The following SLC5A1 variants were observed in gnomAD, a reference collection of about 807,000 sequenced individuals.
SLC5A1 encodes solute carrier family 5 member 1, also known as sodium/glucose cotransporter 1.
SLC5A1 carries 42 observed loss-of-function variants against 73.5 expected under a neutral mutation model. That is an observed-to-expected ratio of 0.57 (90% confidence interval 0.45 to 0.74). The LOEUF (loss-of-function observed/expected upper bound fraction) is 0.74, where lower values mean the gene tolerates loss of function less well. Among genes scored for constraint, SLC5A1 ranks in the 30% least tolerant of loss-of-function variants. The probability of loss-of-function intolerance (pLI) is 0.00; values close to 1 mark genes in which losing one functional copy is unlikely to be tolerated. For synonymous variants in SLC5A1, 300 were observed against 317.4 expected (o/e 0.95, Z 0.58); for missense variants, 634 against 855.4 (o/e 0.74, Z 3.23).
chr22:32,049,100 A>ATATATATATAATCAT (rs2093941065), intron 1 of SLC5A1, among the ~76,000 whole-genome samples: 1 of 145,508 alleles, frequency 6.9e-6, no homozygotes, highest in Admixed American at 6.9e-5. Context: ...AAATATATAT[A>ATATATATATAATCAT]TATATATATA....
chr22:32,099,105 AATATATAT>A (rs765568860), intron 11 of SLC5A1, 70 bp from the exon 12 acceptor site: 1,548 of 57,582 alleles, frequency 0.027, 70 homozygotes, highest in African/African-American at 0.058. Flanking sequence ...AAAAAAAAAA[AATATATAT>A]ATATATATAT....
chr22:32,078,954 C>CAG lies in SLC5A1; in HGVS notation c.478-2911_478-2910insGA, dbSNP rs1412133108. On this transcript the variant is annotated intron_variant, in intron 5 of 14. Coordinates refer to ENST00000266088, the MANE Select transcript of SLC5A1 (RefSeq NM_000343.4). ...TGGCGAAAGAGCAAGACTCTGTCTC[C>CAG]AAAAAAAAAAAAAAAAAAAAAAAAA... Among the ~76,000 whole-genome samples, 74 of 109,102 alleles carry CAG rather than the reference C, an allele frequency of 6.8e-4. 4 individuals are homozygous for CAG. Among genetic ancestry groups the CAG allele is most frequent in the African/African-American group, 3.0e-3 (69 of 22,728 alleles). 71.6% of individuals were successfully genotyped at this position (109,102 alleles called of 152,430 possible). A position where few individuals can be genotyped will look rare whatever the true frequency, so the allele number is the denominator to read the frequency against.
At chr22:32,057,565 C>A (rs1203202973) in intron 2 of SLC5A1, among the ~76,000 whole-genome samples, 1 of 152,270 alleles carries the variant, frequency 6.6e-6, no homozygotes, top group East Asian at 1.9e-4. Flanking sequence ...CGCACCCAGC[C>A]CCCAGGACAA....
chr22:32,069,517 TAA>T (rs201739089), intron 5 of SLC5A1, among the ~76,000 whole-genome samples: 15 of 142,566 alleles, frequency 1.1e-4, no homozygotes, highest in East Asian at 4.0e-4. Context: ...ACCTGCCTCT[TAA>T]AAAAAAAAAA....
rs542599169 is a variant in SLC5A1, at chr22:32,099,799, G to C, written c.1449+448G>C. Among the ~76,000 whole-genome samples, 6 of 152,256 alleles carry C rather than the reference G, an allele frequency of 3.9e-5. No individual in the cohort carries two copies. In the East Asian group the frequency reaches 1.2e-3, roughly 29 times the overall value. On this transcript the variant is annotated intron_variant, in intron 12 of 14. Coordinates refer to ENST00000266088, the MANE Select transcript of SLC5A1 (RefSeq NM_000343.4). ...GTAGCCTCTAGGTGAGTGGGAGAAAGTCCTAGCACAAGGTACCTCCAGTGC... is the reference window on the plus strand; with the variant it reads ...GTAGCCTCTAGGTGAGTGGGAGAAACTCCTAGCACAAGGTACCTCCAGTGC...
chr22:32,070,352 G>A (rs897597345), intron 5 of SLC5A1, among the ~76,000 whole-genome samples: 1 of 148,176 alleles, frequency 6.7e-6, no homozygotes, highest in Non-Finnish European at 1.5e-5. Context: ...GTGAGATAGG[G>A]TCTTGCTGTA....
Position 32,043,287 on chromosome 22 carries a change from C to T in SLC5A1, c.6C>T (p.Asp2=), listed in dbSNP as rs33973317. M[D]SSTWSPKTTA... ...AAGGACGCAACGCTGCCACCATGGA[C>T]AGTAGCACCTGGAGCCCCAAGACCA... Residue 2 remains aspartate (D), a synonymous_variant, in exon 1 of 15, where the codon GAC becomes GAT. Coordinates refer to ENST00000266088, the MANE Select transcript of SLC5A1 (RefSeq NM_000343.4). This position sits in a 1 kb window ranked among gnomAD's most constrained non-coding sequence, Gnocchi z 6.5. 0.011 allele frequency: 18,429 copies of T among 1,614,004 alleles called. 263 individuals are homozygous for T. Among genetic ancestry groups the T allele is most frequent in the Admixed American group, 0.07 (4,216 of 60,010 alleles).
intron 14 of SLC5A1, among the ~76,000 whole-genome samples, chr22:32,105,451 G>A (rs1277294771): frequency 6.6e-6 from 1 of 151,812 alleles, no homozygotes. Flanking sequence ...GCACCACCAC[G>A]CCCGGCTAAT....
rs750353760 is a variant in SLC5A1, at chr22:32,105,289, ATTT to A, written c.1771+417_1771+419del. On this transcript the variant is annotated intron_variant, in intron 14 of 14. Coordinates refer to ENST00000266088, the MANE Select transcript of SLC5A1 (RefSeq NM_000343.4). ...TGCAAACAATCCAGTTGCACTCTTA[ATTT>A]TTTTTTTTTTTTTTTTTTGAGACCG... 8.7e-4 allele frequency among the ~76,000 whole-genome samples: 112 copies of A among 128,178 alleles called. 1 individual carries two copies. Among genetic ancestry groups the A allele is most frequent in the Non-Finnish European group, 1.5e-3 (94 of 61,736 alleles). 84.1% of individuals were successfully genotyped at this position (128,178 alleles called of 152,430 possible). A position where few individuals can be genotyped will look rare whatever the true frequency, so the allele number is the denominator to read the frequency against.
intron 2 of SLC5A1, among the ~76,000 whole-genome samples, chr22:32,054,971 G>A (rs142016523): frequency 2.8e-4 from 42 of 152,184 alleles, no homozygotes; most frequent in African/African-American, 8.4e-4. Context: ...CACTGCACCC[G>A]GCCAAGATGG....
chr22:32,094,826 TG>T lies in SLC5A1; in HGVS notation c.1280+3066del, dbSNP rs202230566. On this transcript the variant is annotated intron_variant, in intron 11 of 14. Transcript: ENST00000266088. ...TCATTTATCTTTTGTATTTTTTTTTTGGTTTCACTTTCTTTTAGTTCTGCCC... is the reference window on the plus strand; with the variant it reads ...TCATTTATCTTTTGTATTTTTTTTTTGTTTCACTTTCTTTTAGTTCTGCCC... Among the ~76,000 whole-genome samples, 20 of 151,800 alleles carry T rather than the reference TG, an allele frequency of 1.3e-4. 1 individual carries two copies. The highest frequency in any genetic ancestry group is 2.0e-4 in the Admixed American group (3 of 15,228).
At chr22:32,076,344 CCT>C (rs1446035127) in intron 5 of SLC5A1, among the ~76,000 whole-genome samples, 1 of 152,180 alleles carries the variant, frequency 6.6e-6, no homozygotes, top group Non-Finnish European at 1.5e-5. Flanking sequence ...CGAGCACCTG[CCT>C]TATCAAGCTC....
intron 1 of SLC5A1, among the ~76,000 whole-genome samples, chr22:32,044,169 G>C (rs1288457601): frequency 6.6e-6 from 1 of 152,100 alleles, no homozygotes; most frequent in Non-Finnish European, 1.5e-5. Flanking sequence ...ACTAGAGGAG[G>C]AGATGTTTTA....
At chr22:32,082,863 G>A (rs959545658) in intron 6 of SLC5A1, among the ~76,000 whole-genome samples, 1 of 152,166 alleles carries the variant, frequency 6.6e-6, no homozygotes, top group Admixed American at 6.5e-5. Flanking sequence ...AGAAACATTC[G>A]CCACTTCTAT....
chr22:32,102,313 C>A, intron 13 of SLC5A1, 76 bp downstream of exon 13: 1 of 1,072,150 alleles, frequency 9.3e-7, no homozygotes, highest in Non-Finnish European at 1.4e-6. Flanking sequence ...TTAAATTTTT[C>A]ATTATTATGG....
rs1046340767 is a variant in SLC5A1, at chr22:32,068,614, C to T, written c.477+14C>T. 2 of 1,554,780 alleles carry T rather than the reference C, an allele frequency of 1.3e-6. No individual in the cohort carries two copies. The highest frequency in any genetic ancestry group is 2.7e-5 in the African/African-American group (2 of 73,760). On this transcript the variant is annotated intron_variant, in intron 5 of 14. Coordinates refer to ENST00000266088, the MANE Select transcript of SLC5A1 (RefSeq NM_000343.4). Reference sequence around the variant, plus strand: ...ACCAAGATCTCGGTGAGTCCACTGCCCCAGAGGGCTGGGCTGTCTCAGAAG... The same window carrying T: ...ACCAAGATCTCGGTGAGTCCACTGCTCCAGAGGGCTGGGCTGTCTCAGAAG...
At position 32,099,369 on chromosome 22, in the gene SLC5A1, A is replaced by G. The variant is rs2094032568; in HGVS notation, c.1449+18A>G. 6.2e-7 allele frequency: 1 copy of G among 1,607,856 alleles called. No homozygotes were observed. The highest frequency in any genetic ancestry group is 2.2e-5 in the East Asian group (1 of 44,518). ...ATGAGCCAGTAGGTATCATCTGGGC[A>G]TGTCCAGAAAAGTCATTCTGGCATA... On this transcript the variant is annotated intron_variant, in intron 12 of 14. Transcript: ENST00000266088.
chr22:32,056,413 G>A (rs1225224878), intron 2 of SLC5A1, among the ~76,000 whole-genome samples: 3 of 149,914 alleles, frequency 2.0e-5, no homozygotes, highest in Non-Finnish European at 3.0e-5. Context: ...CTGAATTTCA[G>A]GCAAACAATA....
intron 11 of SLC5A1, among the ~76,000 whole-genome samples, chr22:32,092,862 G>A (rs541356944): frequency 5.5e-4 from 84 of 152,208 alleles, no homozygotes; most frequent in African/African-American, 1.9e-3. Flanking sequence ...GTTCTTGGTC[G>A]TGAACTCTTT....
Sources: allele counts gnomAD v4.1 joint callset (sites outside exome capture counted in the v4.1 genomes callset), GRCh38; gene constraint gnomAD v4.1.1; non-coding constraint Gnocchi (gnomAD v3.1); transcripts MANE v1.5; gene names NCBI Gene and HGNC (gene_info 2026-07-23, HGNC 2026-07-21).